PDE4D: variants seen among roughly 807,000 people sequenced by gnomAD.
PDE4D encodes the protein 3',5'-cyclic-AMP phosphodiesterase 4D.
PDE4D carries 24 observed loss-of-function variants against 87.4 expected under a neutral mutation model. The observed-to-expected ratio is 0.27, with a 90% CI of 0.20 to 0.39. PDE4D has a LOEUF of 0.39. Among genes scored for constraint, PDE4D ranks in the 10% least tolerant of loss-of-function variants. The probability of loss-of-function intolerance (pLI) is 1.00; values close to 1 mark genes in which losing one functional copy is unlikely to be tolerated. For missense variants in PDE4D, 714 were observed against 1,041.0 expected, an observed-to-expected ratio of 0.69 and a Z score of 4.32; for synonymous variants, 384 against 383.2, an observed-to-expected ratio of 1.00 and a Z score of -0.02.
chr5:59,833,213 T>C (rs1040857973), intron 1 of PDE4D, among the ~76,000 whole-genome samples: 2 of 151,944 alleles, frequency 1.3e-5, no homozygotes, highest in Non-Finnish European at 2.9e-5. Context: ...GCTCCGGTGA[T>C]GAATGGGTTG....
intron 1 of PDE4D, among the ~76,000 whole-genome samples, chr5:59,438,778 T>G (rs1186375640): frequency 1.3e-5 from 2 of 151,570 alleles, no homozygotes; most frequent in African/African-American, 4.9e-5. Context: ...TTCTAGGGTC[T>G]GCATCAATGA....
chr5:59,658,994 C>G (rs1364804994), intron 1 of PDE4D, among the ~76,000 whole-genome samples: 1 of 152,158 alleles, frequency 6.6e-6, no homozygotes, highest in Non-Finnish European at 1.5e-5. Context: ...CAGAGTGCCT[C>G]TGTCTCTCTA....
At chr5:59,147,711 AATACTT>A (rs1290718570) in intron 5 of PDE4D, among the ~76,000 whole-genome samples, 1 of 152,226 alleles carries the variant, frequency 6.6e-6, no homozygotes, top group African/African-American at 2.4e-5. Context: ...TGGATTTAGA[AATACTT>A]ATAATGTAAA....
chr5:59,133,790 G>A (rs1333833560), intron 5 of PDE4D, among the ~76,000 whole-genome samples: 1 of 152,136 alleles, frequency 6.6e-6, no homozygotes, highest in African/African-American at 2.4e-5. Flanking sequence ...GAACCATCCA[G>A]CTACACGTGA....
At chr5:59,129,784 T>C (rs1483502971) in intron 5 of PDE4D, among the ~76,000 whole-genome samples, 2 of 152,154 alleles carry the variant, frequency 1.3e-5, no homozygotes, top group Non-Finnish European at 2.9e-5. Flanking sequence ...CAGACAAACC[T>C]GTGTTGGAAA....
intron 1 of PDE4D, among the ~76,000 whole-genome samples, chr5:60,284,008 C>A (rs1331494475): frequency 1.3e-5 from 2 of 152,050 alleles, no homozygotes; most frequent in Non-Finnish European, 1.5e-5. Context: ...GCAGAATCAT[C>A]CACACTAGGT....
Position 60,203,563 on chromosome 5 carries a change from A to T in PDE4D, c.-89-17876T>A, listed in dbSNP as rs112770834. ...TTTTCTCCTTTAATTTCTGTGCCTA[A>T]TGTAATCTAATTTTTCTACAGCGAA... On this transcript the variant is annotated intron_variant, in intron 1 of 16. Transcript: ENST00000502484. 4.3e-4 allele frequency among the ~76,000 whole-genome samples: 65 copies of T among 152,316 alleles called. 2 individuals are homozygous for T. The highest frequency in any genetic ancestry group is 1.5e-3 in the African/African-American group (62 of 41,564).
intron 2 of PDE4D, among the ~76,000 whole-genome samples, chr5:60,053,449 C>A (rs1206170359): frequency 6.6e-6 from 1 of 152,152 alleles, no homozygotes; most frequent in African/African-American, 2.4e-5. Flanking sequence ...GAAAGGATTC[C>A]CTATTTAATA....
At chr5:59,198,309 CTATA>C (rs1039196117) in intron 2 of PDE4D, among the ~76,000 whole-genome samples, 63 of 151,518 alleles carry the variant, frequency 4.2e-4, no homozygotes, top group African/African-American at 1.4e-3. Flanking sequence ...CACTGCGTGT[CTATA>C]TGTATGTATG....
At chr5:59,543,717 G>C (rs970527103) in intron 1 of PDE4D, among the ~76,000 whole-genome samples, 3 of 151,998 alleles carry the variant, frequency 2.0e-5, no homozygotes, top group Non-Finnish European at 2.9e-5. Context: ...CTGGATGGAA[G>C]AGCGCCCACC....
intron 5 of PDE4D, among the ~76,000 whole-genome samples, chr5:59,165,388 C>T (rs1176127701): frequency 6.6e-6 from 1 of 152,190 alleles, no homozygotes; most frequent in East Asian, 1.9e-4. Context: ...ATTCTCCTAC[C>T]TCAGCCTCCC....
chr5:60,067,848 A>T (rs1772276293), intron 2 of PDE4D, among the ~76,000 whole-genome samples: 1 of 152,136 alleles, frequency 6.6e-6, no homozygotes, highest in Non-Finnish European at 1.5e-5. Context: ...CATGTATTTC[A>T]CTTAGCACAA....
intron 2 of PDE4D, among the ~76,000 whole-genome samples, chr5:60,177,559 G>A (rs1043584554): frequency 1.1e-4 from 16 of 152,224 alleles, no homozygotes; most frequent in Middle Eastern, 6.8e-3. Context: ...GAGATTCTTT[G>A]AACTCAATTT....
At position 60,086,267 on chromosome 5, in the gene PDE4D, T is replaced by C. The variant is rs1242875230; in HGVS notation, c.43-97550A>G. Among the ~76,000 whole-genome samples, 3 of 152,234 alleles carry C rather than the reference T, an allele frequency of 2.0e-5. No homozygotes were observed. The East Asian group carries it at 5.8e-4, about 29-fold the overall frequency. ...ATTGAATATATGGAAGCTTTATTTT[T>C]AAAATACTATTTAGGCTTTCTGATA... On this transcript the variant is annotated intron_variant, in intron 2 of 16. Transcript: ENST00000502484.
rs553307800 is a variant in PDE4D at position 60,178,436 on chromosome 5, G to GA, written c.42+7120dup. On this transcript the variant is annotated intron_variant, in intron 2 of 16. Coordinates refer to the PDE4D transcript ENST00000502484. ...GAATCCCTGCATGAGCACTTGCAAA[G>GA]AAAAAAAAACAATTGGAAACTTTTA... Among the ~76,000 whole-genome samples, 12 of 150,176 alleles carry GA rather than the reference G, an allele frequency of 8.0e-5. No individual in the cohort carries two copies. In the South Asian group the frequency reaches 1.3e-3, roughly 16 times the overall value.
chr5:59,116,590 G>A (rs568969504), intron 5 of PDE4D, among the ~76,000 whole-genome samples: 2 of 152,230 alleles, frequency 1.3e-5, no homozygotes, highest in Non-Finnish European at 2.9e-5. Flanking sequence ...AATGTGTGTC[G>A]GAAACACCCC....
At chr5:59,592,072 T>C (rs148731461) in intron 1 of PDE4D, 1 of 926,834 alleles carries the variant, frequency 1.1e-6, no homozygotes, top group Non-Finnish European at 1.3e-6. Flanking sequence ...GAGGTGGCTG[T>C]GCTTCCAACC....
At chr5:59,121,715 G>A (rs1156949081) in intron 5 of PDE4D, among the ~76,000 whole-genome samples, 2 of 152,060 alleles carry the variant, frequency 1.3e-5, no homozygotes, top group Non-Finnish European at 2.9e-5. Flanking sequence ...TCTCACTACT[G>A]GGTATTTATC....
chr5:59,504,524 G>T (rs1477258382), intron 1 of PDE4D, among the ~76,000 whole-genome samples: 1 of 151,888 alleles, frequency 6.6e-6, no homozygotes, highest in Admixed American at 6.6e-5. Flanking sequence ...TGTAGCACCG[G>T]GATTCATTTC....
Sources: allele counts gnomAD v4.1 joint callset (sites outside exome capture counted in the v4.1 genomes callset), GRCh38; gene constraint gnomAD v4.1.1; transcripts MANE v1.5; gene names NCBI Gene and HGNC (gene_info 2026-07-23, HGNC 2026-07-21).